The following ZRANB3 variants were observed in gnomAD, a reference collection of about 807,000 sequenced individuals.
ZRANB3 encodes DNA annealing helicase and endonuclease ZRANB3.
A neutral mutation model predicts 133.8 loss-of-function variants in ZRANB3; 125 were observed. The ratio of observed to expected loss-of-function variants is 0.93; its 90% CI spans 0.81 to 1.08. The LOEUF is 1.08. ZRANB3 is among the 50% of genes least tolerant of loss of function. The probability of loss-of-function intolerance (pLI) is 0.00; values close to 1 mark genes in which losing one functional copy is unlikely to be tolerated. For synonymous variants in ZRANB3, 387 were observed against 432.7 expected (o/e 0.89, Z 1.31); for missense variants, 1,229 against 1,275.5 (o/e 0.96, Z 0.56).
At chr2:135,463,399 T>G (rs1369106347) in intron 2 of ZRANB3, among the ~76,000 whole-genome samples, 2 of 152,102 alleles carry the variant, frequency 1.3e-5, no homozygotes, top group African/African-American at 2.4e-5. Flanking sequence ...TATTCCTATC[T>G]TTCCATAAGA....
At chr2:135,383,520 C>T (rs1171635910) in intron 3 of ZRANB3, among the ~76,000 whole-genome samples, 2 of 152,148 alleles carry the variant, frequency 1.3e-5, no homozygotes, top group Non-Finnish European at 2.9e-5. Flanking sequence ...CAGAACTCTC[C>T]ACCCCAAATC....
chr2:135,422,299 T>TAC (rs1688893306), intron 2 of ZRANB3, among the ~76,000 whole-genome samples: 1 of 152,170 alleles, frequency 6.6e-6, no homozygotes, highest in Non-Finnish European at 1.5e-5. Context: ...TATCCCCTAC[T>TAC]ACTCCATCAC....
intron 17 of ZRANB3, among the ~76,000 whole-genome samples, chr2:135,209,792 T>C (rs1694021701): frequency 6.6e-6 from 1 of 152,200 alleles, no homozygotes; most frequent in Non-Finnish European, 1.5e-5. Context: ...TATTATTGAG[T>C]GCTTCTTAAT....
intron 12 of ZRANB3, among the ~76,000 whole-genome samples, chr2:135,234,935 G>A (rs1213160198): frequency 6.6e-6 from 1 of 152,212 alleles, no homozygotes; most frequent in African/African-American, 2.4e-5. Context: ...AAATAACTAA[G>A]ATCAGAGTAG....
At chr2:135,413,154 T>C (rs930878822) in intron 2 of ZRANB3, among the ~76,000 whole-genome samples, 3 of 152,200 alleles carry the variant, frequency 2.0e-5, no homozygotes, top group Middle Eastern at 3.2e-3. Flanking sequence ...TAAGACACTT[T>C]AGGACACTTC....
chr2:135,234,587 G>C (rs7557311), intron 12 of ZRANB3, among the ~76,000 whole-genome samples: 10,293 of 152,182 alleles, frequency 0.068, 647 homozygotes, highest in African/African-American at 0.16. Context: ...ATAACAAACT[G>C]TCTCTCAGAC....
chr2:135,510,877 G>A, intron 1 of ZRANB3: 1 of 1,199,226 alleles, frequency 8.3e-7, no homozygotes, highest in Non-Finnish European at 1.2e-6. Flanking sequence ...AAATCTTTAA[G>A]CTCTGATTTG....
At chr2:135,369,306 A>G (rs1040780355) in intron 3 of ZRANB3, among the ~76,000 whole-genome samples, 1 of 152,164 alleles carries the variant, frequency 6.6e-6, no homozygotes, top group Non-Finnish European at 1.5e-5. Context: ...GGGCTTAAAT[A>G]TATAAAATTT....
At chr2:135,294,792 T>C (rs1681953413) in intron 8 of ZRANB3, among the ~76,000 whole-genome samples, 1 of 152,208 alleles carries the variant, frequency 6.6e-6, no homozygotes. Context: ...CTTTGGTATG[T>C]TGTGTCTTTG....
chr2:135,523,227 T>C (rs1209055719), intron 1 of ZRANB3, among the ~76,000 whole-genome samples: 1 of 152,180 alleles, frequency 6.6e-6, no homozygotes, highest in African/African-American at 2.4e-5. Context: ...TTATTATTCA[T>C]TATTCCCAAA....
intron 3 of ZRANB3, among the ~76,000 whole-genome samples, chr2:135,367,588 A>C (rs1685996567): frequency 6.6e-6 from 1 of 152,156 alleles, no homozygotes; most frequent in Non-Finnish European, 1.5e-5. Flanking sequence ...CTAGAACCTA[A>C]AAAAAATAAA....
At chr2:135,243,060 T>C (rs558670022) in intron 12 of ZRANB3, among the ~76,000 whole-genome samples, 46 of 152,366 alleles carry the variant, frequency 3.0e-4, no homozygotes, top group Non-Finnish European at 5.7e-4. Flanking sequence ...TGATATTTAA[T>C]AAGATGCTAA....
At chr2:135,487,750 T>C (rs548056697) in intron 2 of ZRANB3, among the ~76,000 whole-genome samples, 1 of 152,334 alleles carries the variant, frequency 6.6e-6, no homozygotes, top group African/African-American at 2.4e-5. Context: ...GCTCTGGAAT[T>C]AGGCTTTGGT....
Position 135,313,491 on chromosome 2 carries a change from T to G in ZRANB3, c.964A>C (p.Lys322Gln). The G allele has an allele frequency of 6.2e-7, 1 of 1,602,536 alleles. No individual in the cohort carries two copies. The highest frequency in any genetic ancestry group is 8.5e-7 in the Non-Finnish European group (1 of 1,171,074). Residue 322 changes from lysine to glutamine, a missense_variant and splice_region_variant, in exon 8 of 21, where the codon AAG becomes CAG. Lys to Gln is a moderately conservative substitution (Grantham distance 53, BLOSUM62 1). Coordinates refer to ENST00000264159, the MANE Select transcript of ZRANB3 (RefSeq NM_032143.4). Reference sequence around the variant, plus strand: ...CATGATGGCCCAGCAAAGAGTACCTTGGCAATAGCAGTTTGTTTAAACATG... The same window carrying G: ...CATGATGGCCCAGCAAAGAGTACCTGGGCAATAGCAGTTTGTTTAAACATG... ...TRMFKQTAIAKAGAVKDYIKM... is the reference protein window; with the variant it reads ...TRMFKQTAIAQAGAVKDYIKM...
chr2:135,343,191 A>C (rs1684774422), intron 6 of ZRANB3, among the ~76,000 whole-genome samples: 2 of 147,762 alleles, frequency 1.4e-5, no homozygotes, highest in South Asian at 2.1e-4. Flanking sequence ...GTCTCCAAAA[A>C]AAAAAAAAAA....
chr2:135,228,390 A>G, intron 13 of ZRANB3: 1 of 168,926 alleles, frequency 5.9e-6, no homozygotes. Context: ...CTCTGAGAGG[A>G]GTCCCATTTG....
intron 8 of ZRANB3, among the ~76,000 whole-genome samples, chr2:135,292,725 T>C (rs920499345): frequency 3.3e-5 from 5 of 152,266 alleles, no homozygotes; most frequent in Admixed American, 2.6e-4. Context: ...TTTATGGTTT[T>C]AGGTCTAACA....
At chr2:135,316,220 A>G (rs1558911487) in intron 6 of ZRANB3, among the ~76,000 whole-genome samples, 1 of 152,244 alleles carries the variant, frequency 6.6e-6, no homozygotes, top group Admixed American at 6.5e-5. Context: ...AAAGGAAGCG[A>G]TAACTTAAAC....
chr2:135,511,292 T>C lies in ZRANB3; in HGVS notation c.-7-6796A>G, dbSNP rs13425068. 3,946 of 975,324 alleles carry C rather than the reference T, an allele frequency of 4.0e-3. 85 individuals are homozygous for C. The African/African-American group carries it at 0.053, about 13-fold the overall frequency. The allele number at this position is 975,324 out of a possible 1,614,324, so 60.4% of individuals were successfully genotyped here. A position where few individuals can be genotyped will look rare whatever the true frequency, so the allele number is the denominator to read the frequency against. ...CCTCAGGAGCAGTTTCTTCTAATAC[T>C]AGCTCAGACTTTTCCTCTTGGATTT... is the stretch of plus-strand genomic sequence containing the variant. On this transcript the variant is annotated intron_variant, in intron 1 of 20. Transcript: ENST00000264159.
Sources: allele counts gnomAD v4.1 joint callset (sites outside exome capture counted in the v4.1 genomes callset), GRCh38; gene constraint gnomAD v4.1.1; transcripts MANE v1.5; gene names NCBI Gene and HGNC (gene_info 2026-07-23, HGNC 2026-07-21).